GABRA5: variants seen among roughly 807,000 people sequenced by gnomAD.
The protein encoded by GABRA5 is gamma-aminobutyric acid receptor subunit alpha-5.
In GABRA5, 18 loss-of-function variants were observed where a neutral mutation model predicts 47.3. The observed-to-expected ratio is 0.38, with a 90% confidence interval of 0.26 to 0.56. The LOEUF (loss-of-function observed/expected upper bound fraction) is 0.56, where lower values mean the gene tolerates loss of function less well. Ranked by LOEUF, GABRA5 falls within the 20% of genes least tolerant of loss-of-function variation. GABRA5 has a pLI of 0.71. For missense variants in GABRA5, 365 were observed against 599.3 expected (o/e 0.61, Z 4.08); for synonymous variants, 237 against 229.3 (o/e 1.03, Z -0.30).
chr15:26,927,757 T>C (rs1893995993), intron 7 of GABRA5, among the ~76,000 whole-genome samples: 1 of 152,264 alleles, frequency 6.6e-6, no homozygotes, highest in African/African-American at 2.4e-5. Flanking sequence ...AATGTGATAG[T>C]ATAATGAGTT....
chr15:26,948,260 A>G lies in GABRA5; in HGVS notation c.*27A>G. On this transcript the variant is annotated 3_prime_UTR_variant, in exon 11 of 11. Transcript: ENST00000335625. ...CGGCCACACTCCCAAACTCCAAGAC[A>G]GCCATACTTCCAGCGAAATGGTACC... is the stretch of plus-strand genomic sequence containing the variant. The G allele has an allele frequency of 1.9e-6, 3 of 1,600,474 alleles. No individual in the cohort carries two copies. The highest frequency in any genetic ancestry group is 2.2e-5 in the South Asian group (2 of 89,294).
In GABRA5 at chr15:26,883,945, T is replaced by C. The variant is rs547459168; in HGVS notation, c.497+388T>C. Among the ~76,000 whole-genome samples, 1 of 152,138 alleles carries C rather than the reference T, an allele frequency of 6.6e-6. No individual in the cohort carries two copies. Among genetic ancestry groups the C allele is most frequent in the East Asian group, 1.9e-4 (1 of 5,176 alleles). On this transcript the variant is annotated intron_variant, in intron 6 of 10. Coordinates refer to ENST00000335625, the MANE Select transcript of GABRA5 (RefSeq NM_000810.4). The surrounding 1 kb of genome is among the most constrained non-coding windows in gnomAD (Gnocchi z 4.8). The stretch of plus-strand genomic sequence containing the variant: ...ACTCTGGGAGGCTGAGGTGGGAGGA[T>C]TGCTTGAGGCCAGAAGTTCGAGATT...
chr15:26,874,808 A>G (rs763880068), intron 3 of GABRA5, among the ~76,000 whole-genome samples: 7 of 152,246 alleles, frequency 4.6e-5, no homozygotes, highest in African/African-American at 7.2e-5. Context: ...AAGTGAATGA[A>G]GCACAGAACC....
Position 26,912,503 on chromosome 15 carries a change from A to G in GABRA5, c.498-2300A>G, listed in dbSNP as rs189794391. On this transcript the variant is annotated intron_variant, in intron 6 of 10. Coordinates refer to ENST00000335625, the MANE Select transcript of GABRA5 (RefSeq NM_000810.4). ...TTTCTTTATTTACCTTACCAATTTC[A>G]TAGTCTCTAATAACAGCCCTTTTTC... is the stretch of plus-strand genomic sequence containing the variant. Among the ~76,000 whole-genome samples, 540 of 152,328 alleles carry G rather than the reference A, an allele frequency of 3.5e-3. 6 individuals are homozygous for G. Among genetic ancestry groups the G allele is most frequent in the African/African-American group, 0.012 (500 of 41,584 alleles).
chr15:26,927,275 T>TA, intron 7 of GABRA5, among the ~76,000 whole-genome samples: 1 of 151,394 alleles, frequency 6.6e-6, no homozygotes, highest in Middle Eastern at 3.4e-3. Context: ...AGCTAATTTT[T>TA]TTTTTTTTTT....
At chr15:26,922,761 A>G (rs1424343729) in intron 7 of GABRA5, among the ~76,000 whole-genome samples, 1 of 152,058 alleles carries the variant, frequency 6.6e-6, no homozygotes, top group African/African-American at 2.4e-5. Context: ...TACTTACTTA[A>G]TTAACTAATT....
rs567212105 is a variant in GABRA5, at chr15:26,885,124, G to C, written c.497+1567G>C. On this transcript the variant is annotated intron_variant, in intron 6 of 10. Transcript: ENST00000335625. ...ATCCTGGCTAACTTGGTGAAACCCC[G>C]TCTCTACTAAAAAAAATACAAAAAA... is the stretch of plus-strand genomic sequence containing the variant. 2.6e-5 allele frequency among the ~76,000 whole-genome samples: 4 copies of C among 151,916 alleles called. No homozygotes were observed. In the East Asian group the frequency reaches 7.8e-4, roughly 30 times the overall value.
chr15:26,931,180 C>A (rs1894098437), intron 7 of GABRA5, among the ~76,000 whole-genome samples: 2 of 152,102 alleles, frequency 1.3e-5, no homozygotes, highest in Non-Finnish European at 2.9e-5. Flanking sequence ...ATTACAAGTG[C>A]AAGCCACTGC....
chr15:26,931,851 G>A (rs932908095), intron 7 of GABRA5, among the ~76,000 whole-genome samples: 1 of 152,122 alleles, frequency 6.6e-6, no homozygotes, highest in African/African-American at 2.4e-5. Flanking sequence ...GGAAGTGACA[G>A]GATAGCATCA....
intron 3 of GABRA5, among the ~76,000 whole-genome samples, chr15:26,877,328 G>A (rs984955467): frequency 2.0e-5 from 3 of 152,088 alleles, no homozygotes; most frequent in Admixed American, 6.6e-5. Context: ...TTAAGTGATC[G>A]GTAATGGGCA....
At chr15:26,889,928 C>T (rs1013843856) in intron 6 of GABRA5, among the ~76,000 whole-genome samples, 5 of 152,140 alleles carry the variant, frequency 3.3e-5, no homozygotes, top group African/African-American at 9.7e-5. Context: ...CACACATAGT[C>T]TCCTATAGTT....
chr15:26,886,035 G>T (rs1170963073), intron 6 of GABRA5, among the ~76,000 whole-genome samples: 1 of 151,860 alleles, frequency 6.6e-6, no homozygotes, highest in East Asian at 1.9e-4. Context: ...TGTTGTTGTT[G>T]TTGAGATGGA....
intron 3 of GABRA5, among the ~76,000 whole-genome samples, chr15:26,870,652 A>AT (rs143966364): frequency 0.03 from 4,523 of 151,706 alleles, 141 homozygotes; most frequent in South Asian, 0.13. Context: ...ATGCCTTCAG[A>AT]TTTTTTTTTA....
rs1028485694 is a variant in GABRA5 at position 26,867,361 on chromosome 15, C to T, written c.-140+250C>T. 4.0e-5 allele frequency: 6 copies of T among 151,866 alleles called. No individual in the cohort carries two copies. Among genetic ancestry groups the T allele is most frequent in the Admixed American group, 2.6e-4 (4 of 15,264 alleles). 9.4% of individuals were successfully genotyped at this position (151,866 alleles called of 1,614,324 possible). A position where few individuals can be genotyped will look rare whatever the true frequency, so the allele number is the denominator to read the frequency against. ...GGAGGATGCATCCTCACCGACGGCT[C>T]GCCTCCCGGGGCCGGCGCGCAGGGT... is the stretch of plus-strand genomic sequence containing the variant. On this transcript the variant is annotated intron_variant, in intron 1 of 10. Coordinates refer to ENST00000335625, the MANE Select transcript of GABRA5 (RefSeq NM_000810.4). This position sits in a 1 kb window ranked among gnomAD's most constrained non-coding sequence, Gnocchi z 5.9.
chr15:26,897,064 C>T (rs1357615751), intron 6 of GABRA5, among the ~76,000 whole-genome samples: 1 of 151,818 alleles, frequency 6.6e-6, no homozygotes, highest in Non-Finnish European at 1.5e-5. Flanking sequence ...AACACATTTA[C>T]AACACATTTA....
chr15:26,898,179 T>C (rs1893244040), intron 6 of GABRA5, among the ~76,000 whole-genome samples: 1 of 152,190 alleles, frequency 6.6e-6, no homozygotes, highest in East Asian at 1.9e-4. Flanking sequence ...GATTGGCAGA[T>C]AGGTGGAAAA....
At chr15:26,878,111 C>T (rs1443374260) in intron 3 of GABRA5, among the ~76,000 whole-genome samples, 3 of 152,192 alleles carry the variant, frequency 2.0e-5, no homozygotes, top group Non-Finnish European at 4.4e-5. Context: ...TCTTGGTTTC[C>T]ACCTGTAGGA....
intron 6 of GABRA5, among the ~76,000 whole-genome samples, chr15:26,906,146 C>T (rs976167209): frequency 9.1e-6 from 1 of 110,166 alleles, no homozygotes; most frequent in Admixed American, 9.0e-5. Flanking sequence ...TTTGTTTATG[C>T]CTGTTGTGAT....
Position 26,933,803 on chromosome 15 carries a change from A to G in GABRA5, c.581-3382A>G, listed in dbSNP as rs188307132. 6.0e-4 allele frequency among the ~76,000 whole-genome samples: 91 copies of G among 152,242 alleles called. 3 individuals carry two copies. The highest frequency in any genetic ancestry group is 5.2e-3 in the Admixed American group (80 of 15,290). ...CCCACTCACGTCATTTTTACTGTCA[A>G]ATTTAAAGCAGAGATATTGGGTGTC... On this transcript the variant is annotated intron_variant, in intron 7 of 10. Transcript: ENST00000335625.
Sources: gnomAD v4.1 joint callset for allele counts (sites outside exome capture counted in the v4.1 genomes callset) on GRCh38, gnomAD v4.1.1 for gene constraint, Gnocchi (gnomAD v3.1) non-coding constraint, MANE v1.5 for transcripts, NCBI Gene and HGNC (gene_info 2026-07-23, HGNC 2026-07-21) for gene names.